IFT88: variants seen among roughly 807,000 people sequenced by gnomAD.
IFT88 encodes intraflagellar transport protein 88 homolog.
Under a neutral mutation model 119.5 loss-of-function variants are expected in IFT88, and 74 were observed. The ratio of observed to expected loss-of-function variants is 0.62; its 90% CI spans 0.51 to 0.75. The LOEUF (loss-of-function observed/expected upper bound fraction) is 0.75. Ranked by LOEUF, IFT88 falls within the 30% of genes least tolerant of loss-of-function variation. The probability of loss-of-function intolerance (pLI) is 0.00; values close to 1 mark genes in which losing one functional copy is unlikely to be tolerated. For missense variants in IFT88, 961 were observed against 977.7 expected (o/e 0.98, Z 0.23); for synonymous variants, 279 against 316.7 (o/e 0.88, Z 1.26).
intron 24 of IFT88, among the ~76,000 whole-genome samples, chr13:20,679,765 C>A (rs1197205708): frequency 6.6e-6 from 1 of 152,136 alleles, no homozygotes; most frequent in Non-Finnish European, 1.5e-5. Context: ...ATTTTCCTTC[C>A]CAAATCTTTA....
chr13:20,685,242 G>A (rs1007864991), intron 24 of IFT88, among the ~76,000 whole-genome samples: 5 of 152,074 alleles, frequency 3.3e-5, no homozygotes, highest in Non-Finnish European at 7.4e-5. Flanking sequence ...GCAGTTTTCC[G>A]CTCCCGGGGG....
rs113388626 is a variant in IFT88, at chr13:20,596,979, C to T, written c.490-36C>T. On this transcript the variant is annotated intron_variant, in intron 8 of 25. Transcript: ENST00000351808. ...TCAAATGCATAAAAGTTGATGAACA[C>T]TCAAAGGAAGTTACAAGGTATAAAT... The T allele has an allele frequency of 2.4e-3, 2,906 of 1,204,910 alleles. 50 individuals carry two copies. The African/African-American group carries it at 0.041, about 17-fold the overall frequency. The allele number at this position is 1,204,910 out of a possible 1,614,324, so 74.6% of individuals were successfully genotyped here.
intron 15 of IFT88, among the ~76,000 whole-genome samples, chr13:20,629,978 A>G (rs1310589456): frequency 1.3e-5 from 2 of 152,174 alleles, no homozygotes; most frequent in Admixed American, 6.5e-5. Flanking sequence ...CGTTCCACAC[A>G]TCTTACTTGG....
chr13:20,669,548 A>G (rs995880446), intron 23 of IFT88, among the ~76,000 whole-genome samples: 1 of 150,994 alleles, frequency 6.6e-6, no homozygotes, highest in African/African-American at 2.4e-5. Context: ...CTCAGCCTCC[A>G]GAGTAGCTGA....
intron 24 of IFT88, among the ~76,000 whole-genome samples, chr13:20,674,282 G>A (rs762518830): frequency 6.6e-6 from 1 of 152,108 alleles, no homozygotes; most frequent in African/African-American, 2.4e-5. Flanking sequence ...AACTGATGAG[G>A]GGAATAACTA....
At chr13:20,658,732 C>G (rs543792844) in intron 22 of IFT88, among the ~76,000 whole-genome samples, 2 of 152,286 alleles carry the variant, frequency 1.3e-5, no homozygotes, top group African/African-American at 2.4e-5. Flanking sequence ...TAGTAGCTCT[C>G]TCACCCCTAG....
chr13:20,660,124 T>C (rs1030720859), intron 22 of IFT88, among the ~76,000 whole-genome samples: 14 of 152,178 alleles, frequency 9.2e-5, no homozygotes, highest in African/African-American at 3.4e-4. Flanking sequence ...TCAGTAGTTA[T>C]AAGTGCTATG....
At chr13:20,625,617 C>T in intron 14 of IFT88, 133 bp from the exon 15 acceptor site, 1 of 548,664 alleles carries the variant, frequency 1.8e-6, no homozygotes, top group South Asian at 2.6e-5. Context: ...TGTGTTGGAG[C>T]AAATCGAGTG....
rs1488079626 is a variant in IFT88 at position 20,599,473 on chromosome 13, A to G, written c.720A>G (p.Gly240=). Residue 240 remains glycine (G), a synonymous_variant, in exon 11 of 26, where the codon GGA becomes GGG. Coordinates refer to ENST00000351808, the MANE Select transcript of IFT88 (RefSeq NM_006531.5). ...TAGGAATATTGAAAATGAATATGGG[A>G]AATATCTATTTAAAGCAAAGAAATT... The part of the protein sequence containing the change: ...SNAGILKMNM[G]NIYLKQRNYS... 6.4e-6 allele frequency: 9 copies of G among 1,403,528 alleles called. No homozygotes were observed. The highest frequency in any genetic ancestry group is 1.4e-5 in the African/African-American group (1 of 69,508). 86.9% of individuals were successfully genotyped at this position (1,403,528 alleles called of 1,614,324 possible).
chr13:20,631,007 C>T lies in IFT88; in HGVS notation c.1300-9C>T. 2 of 1,527,080 alleles carry T rather than the reference C, an allele frequency of 1.3e-6. No individual in the cohort carries two copies. Among genetic ancestry groups the T allele is most frequent in the South Asian group, 2.2e-5 (2 of 88,978 alleles). 94.6% of individuals were successfully genotyped at this position (1,527,080 alleles called of 1,614,324 possible). On this transcript the variant is annotated splice_polypyrimidine_tract_variant and intron_variant, in intron 15 of 25. Coordinates refer to ENST00000351808, the MANE Select transcript of IFT88 (RefSeq NM_006531.5). The stretch of plus-strand genomic sequence containing the variant: ...CAGTGGTAGTAACCTTCAGATATTC[C>T]ATTTCTAGGCTGTAGAGATCTTAAA...
At chr13:20,594,072 A>G (rs1481463830) in intron 7 of IFT88, among the ~76,000 whole-genome samples, 1 of 152,012 alleles carries the variant, frequency 6.6e-6, no homozygotes, top group Non-Finnish European at 1.5e-5. Flanking sequence ...TAAAAAAAAA[A>G]AAAAGACATA....
intron 24 of IFT88, among the ~76,000 whole-genome samples, chr13:20,683,032 A>G (rs1271537134): frequency 6.6e-6 from 1 of 152,210 alleles, no homozygotes; most frequent in Non-Finnish European, 1.5e-5. Flanking sequence ...GTATAACTGA[A>G]TTAATGGCTC....
intron 16 of IFT88, among the ~76,000 whole-genome samples, chr13:20,637,301 A>T (rs893501804): frequency 6.6e-6 from 1 of 152,224 alleles, no homozygotes; most frequent in Non-Finnish European, 1.5e-5. Flanking sequence ...TAAACTTTTT[A>T]AAAAGTTTAA....
At chr13:20,649,688 G>A (rs1480850572) in intron 20 of IFT88, among the ~76,000 whole-genome samples, 1 of 151,868 alleles carries the variant, frequency 6.6e-6, no homozygotes, top group Non-Finnish European at 1.5e-5. Context: ...AAGCTGTAGA[G>A]AAAATCAACA....
intron 17 of IFT88, among the ~76,000 whole-genome samples, chr13:20,639,527 G>A (rs1408050302): frequency 1.3e-4 from 20 of 152,196 alleles, no homozygotes; most frequent in Admixed American, 1.2e-3. Context: ...ATTTTAGGTG[G>A]AGTCTGGGAG....
chr13:20,589,856 A>G lies in IFT88; in HGVS notation c.199A>G (p.Thr67Ala). The G allele has an allele frequency of 1.3e-6, 2 of 1,595,886 alleles. No individual in the cohort carries two copies. The highest frequency in any genetic ancestry group is 1.7e-6 in the Non-Finnish European group (2 of 1,167,200). ...SSTAVTRPIATGYGSKTSLAS... is the reference protein window; with the variant it reads ...SSTAVTRPIAAGYGSKTSLAS... ...CACGGCAGTTACTAGACCTATAGCT[A>G]CTGGATATGGGGTAGGTTTTTGTAA... is the stretch of plus-strand genomic sequence containing the variant. The change falls in exon 4 of 26, where the codon ACT becomes GCT. Residue 67 changes from threonine to alanine, a missense_variant. Coordinates refer to ENST00000351808, the MANE Select transcript of IFT88 (RefSeq NM_006531.5).
In IFT88 at chr13:20,625,897, C is replaced by A; in HGVS notation, c.1299+48C>A. On this transcript the variant is annotated intron_variant, in intron 15 of 25. Coordinates refer to ENST00000351808, the MANE Select transcript of IFT88 (RefSeq NM_006531.5). ...GATGGAATTCCATATCTTAATTGGT[C>A]AAAGCATTAAAAACAGGTAAACTCC... 4.2e-6 allele frequency: 4 copies of A among 954,322 alleles called. No homozygotes were observed. In the South Asian group the frequency reaches 6.2e-5, roughly 15 times the overall value. The allele number at this position is 954,322 out of a possible 1,614,324, so 59.1% of individuals were successfully genotyped here.
chr13:20,627,318 AGT>A (rs2047494096), intron 15 of IFT88, among the ~76,000 whole-genome samples: 1 of 152,208 alleles, frequency 6.6e-6, no homozygotes, highest in Non-Finnish European at 1.5e-5. Context: ...ATCTTGCTAA[AGT>A]GCTATATGGA....
At chr13:20,650,225 A>G (rs147401875) in intron 20 of IFT88, among the ~76,000 whole-genome samples, 2 of 152,336 alleles carry the variant, frequency 1.3e-5, no homozygotes, top group Non-Finnish European at 2.9e-5. Context: ...AAAATACTCA[A>G]CAAAATACTA....
Sources: gnomAD v4.1 joint callset for allele counts (sites outside exome capture counted in the v4.1 genomes callset) on GRCh38, gnomAD v4.1.1 for gene constraint, MANE v1.5 for transcripts, NCBI Gene and HGNC (gene_info 2026-07-23, HGNC 2026-07-21) for gene names.